PDLIM2: variants seen among roughly 807,000 people sequenced by gnomAD.
PDLIM2 encodes the protein PDZ and LIM domain 2.
Under a neutral mutation model 54.1 loss-of-function variants are expected in PDLIM2, and 51 were observed. The ratio of observed to expected loss-of-function variants is 0.94; its 90% confidence interval spans 0.75 to 1.19. The LOEUF is 1.19. PDLIM2 is among the 50% of genes most tolerant of loss of function. The pLI, the probability that PDLIM2 is intolerant of heterozygous loss-of-function variation, is 0.00. For synonymous variants in PDLIM2, 398 were observed against 385.6 expected, an observed-to-expected ratio of 1.03 and a Z score of -0.38; for missense variants, 912 against 874.0, an observed-to-expected ratio of 1.04 and a Z score of -0.55.
exon 10 of PDLIM2, chr8:22,593,780 G>T: frequency 6.2e-7 from 1 of 1,604,996 alleles, no homozygotes; most frequent in Admixed American, 1.7e-5. Context: ...CACCCCGGCT[G>T]CTACACCTGT....
At chr8:22,582,280 CCTT>C (rs1244328408) in intron 3 of PDLIM2, among the ~76,000 whole-genome samples, 1 of 152,254 alleles carries the variant, frequency 6.6e-6, no homozygotes, top group African/African-American at 2.4e-5. Context: ...CCAAGCCCCT[CCTT>C]CTCCAACTGC....
At chr8:22,580,744 G>T in intron 2 of PDLIM2, 47 bp downstream of exon 1, 1 of 1,589,618 alleles carries the variant, frequency 6.3e-7, no homozygotes, top group African/African-American at 1.3e-5. Flanking sequence ...CCAGAAGCGA[G>T]GTCGGCCCTG....
At chr8:22,579,875 G>C (rs1800139916) in intron 1 of PDLIM2, 1 of 250,610 alleles carries the variant, frequency 4.0e-6, no homozygotes, top group African/African-American at 2.2e-5. Flanking sequence ...TGTCTGTCGG[G>C]CAGCATCAGG....
intron 9 of PDLIM2, chr8:22,593,509 A>C: frequency 7.8e-6 from 4 of 511,712 alleles, no homozygotes; most frequent in Middle Eastern, 5.1e-4. Flanking sequence ...CCCGGAAGGT[A>C]GAGATTGCTG....
At chr8:22,582,913 C>CCA (rs1554553591) in intron 3 of PDLIM2, among the ~76,000 whole-genome samples, 1 of 97,642 alleles carries the variant, frequency 1.0e-5, no homozygotes, top group African/African-American at 3.8e-5. Flanking sequence ...ATGCCCACCC[C>CCA]CCCCCCCGCC....
chr8:22,592,058 TCTTTTCTTTC>T (rs1364312347), intron 9 of PDLIM2: 4 of 143,702 alleles, frequency 2.8e-5, no homozygotes, highest in African/African-American at 5.4e-5. Flanking sequence ...ATTTTTCTTT[TCTTTTCTTTC>T]TTTCTTTTCT....
In PDLIM2 at chr8:22,580,548, G is replaced by GC. The variant is rs904949203; in HGVS notation, c.749-50dup. ...GGCTCCTCTCCTGCTGCCTTACAGT[G>GC]CCCCCAGAGCCGGCTAGGGGCATGG... is the stretch of plus-strand genomic sequence containing the variant. On this transcript the variant is annotated intron_variant, in intron 1 of 9. Transcript: ENST00000308354. 21 of 1,612,228 alleles carry GC rather than the reference G, an allele frequency of 1.3e-5. No individual in the cohort carries two copies. The African/African-American group carries it at 1.9e-4, about 14-fold the overall frequency.
At chr8:22,586,223 G>A (rs1800378414) in intron 6 of PDLIM2, among the ~76,000 whole-genome samples, 2 of 152,236 alleles carry the variant, frequency 1.3e-5, no homozygotes, top group South Asian at 4.1e-4. Flanking sequence ...GAGGAGGAAG[G>A]AGCAGGATCT....
intron 6 of PDLIM2, chr8:22,589,017 C>G: frequency 1.8e-6 from 1 of 561,228 alleles, no homozygotes; most frequent in Non-Finnish European, 3.2e-6. Context: ...TGCTGCCTTC[C>G]TGCTGCCCGG....
At chr8:22,594,932 AAC>A, downstream of PDLIM2, 1 of 324,002 alleles carries the variant, frequency 3.1e-6, no homozygotes, top group Non-Finnish European at 5.7e-6. Flanking sequence ...TGTTGAAAAA[AAC>A]ACAAAAACAA....
At chr8:22,596,306 G>A (rs1366400394), downstream of PDLIM2, 2 of 152,186 alleles carry the variant, frequency 1.3e-5, no homozygotes, top group Non-Finnish European at 2.9e-5. Context: ...GGCTTTGTAG[G>A]TTCCAGCTCA....
exon 1 of PDLIM2, chr8:22,579,429 C>T (rs1800126936): frequency 6.6e-7 from 1 of 1,516,360 alleles, no homozygotes; most frequent in African/African-American, 1.4e-5. Context: ...GTACTTTGCC[C>T]TCGGAGCGAA....
chr8:22,579,429 C>G, exon 1 of PDLIM2: 1 of 1,516,478 alleles, frequency 6.6e-7, no homozygotes, highest in Non-Finnish European at 8.8e-7. Flanking sequence ...GTACTTTGCC[C>G]TCGGAGCGAA....
chr8:22,594,754 C>G, downstream of PDLIM2: 3 of 1,465,508 alleles, frequency 2.0e-6, no homozygotes, highest in Non-Finnish European at 2.7e-6. Context: ...AGACTGCTGG[C>G]TTCATTGGTG....
chr8:22,587,824 T>C (rs1484340978), intron 6 of PDLIM2: 1 of 152,410 alleles, frequency 6.6e-6, no homozygotes, highest in Non-Finnish European at 1.5e-5. Context: ...CCTCCTGACA[T>C]GGCCAAGGCT....
intron 6 of PDLIM2, among the ~76,000 whole-genome samples, chr8:22,586,673 G>T (rs945399421): frequency 6.6e-6 from 1 of 152,194 alleles, no homozygotes; most frequent in African/African-American, 2.4e-5. Context: ...GTCAGTGTCA[G>T]TCCTGGCTCT....
chr8:22,579,568 CTG>C (rs1227613074), intron 1 of PDLIM2: 42 of 1,435,886 alleles, frequency 2.9e-5, no homozygotes, highest in Admixed American at 7.7e-5. Context: ...GCCTCGGGGA[CTG>C]GGGTGGGGGC....
In PDLIM2 at chr8:22,584,906, CCCCTGACAGCCTCAGCA is replaced by C; in HGVS notation, c.1065+23_1065+39del. ...TCGCTTCCAGGTAAGCTGGTGCCCT[CCCCTGACAGCCTCAGCA>C]CCCTGATCACTGGTGCATGAAAGTG... On this transcript the variant is annotated intron_variant, in intron 4 of 9. Transcript: ENST00000308354. The C allele has an allele frequency of 6.2e-7, 1 of 1,614,088 alleles. No homozygotes were observed. Among genetic ancestry groups the C allele is most frequent in the Non-Finnish European group, 8.5e-7 (1 of 1,179,982 alleles).
chr8:22,580,946 A>G (rs888855779), intron 2 of PDLIM2: 4 of 678,250 alleles, frequency 5.9e-6, no homozygotes, highest in Admixed American at 2.1e-5. Flanking sequence ...CCCAGTTGCT[A>G]TCCCCACACT....
Sources: allele counts gnomAD v4.1 joint callset (sites outside exome capture counted in the v4.1 genomes callset), GRCh38; gene constraint gnomAD v4.1.1; transcripts MANE v1.5; gene names NCBI Gene and HGNC (gene_info 2026-07-23, HGNC 2026-07-21).